The following LRP1B variants were observed in gnomAD, a reference collection of about 807,000 sequenced individuals.
LRP1B encodes the protein low-density lipoprotein receptor-related protein 1B.
Under a neutral mutation model 556.6 loss-of-function variants are expected in LRP1B, and 217 were observed. That is an observed-to-expected ratio of 0.39 (90% confidence interval 0.35 to 0.44). The LOEUF is 0.44. LRP1B is among the 20% of genes least tolerant of loss of function. The pLI, the probability that LRP1B is intolerant of heterozygous loss-of-function variation, is 1.00. For missense variants in LRP1B, 5,053 were observed against 5,620.8 expected (o/e 0.90, Z 3.23); for synonymous variants, 2,047 against 1,865.8 (o/e 1.10, Z -2.50).
At position 140,665,748 on chromosome 2, in the gene LRP1B, G is replaced by A. The variant is rs1685244185; in HGVS notation, c.6799+34502C>T. On this transcript the variant is annotated intron_variant, in intron 41 of 90. Transcript: ENST00000389484. ...AGCAAGAAAACTGTGTATGTCATGT[G>A]GCCAACAGGATCCTAAAACGCATGC... is the stretch of plus-strand genomic sequence containing the variant. Among the ~76,000 whole-genome samples the A allele has an allele frequency of 3.3e-5, 5 of 151,988 alleles. No homozygotes were observed. The South Asian group carries it at 8.3e-4, about 25-fold the overall frequency.
intron 3 of LRP1B, among the ~76,000 whole-genome samples, chr2:141,468,885 G>C (rs994021038): frequency 6.6e-6 from 1 of 152,028 alleles, no homozygotes; most frequent in Non-Finnish European, 1.5e-5. Flanking sequence ...GCCTTGGCTC[G>C]CAAGCACAAT....
intron 90 of LRP1B, 140 bp from the exon 91 acceptor site, chr2:140,233,466 G>T (rs1366559273): frequency 7.7e-6 from 4 of 518,720 alleles, no homozygotes; most frequent in South Asian, 4.5e-5. Context: ...ATGATTTAAA[G>T]GTTATTTACA....
At chr2:140,884,912 C>A (rs1333018500) in intron 24 of LRP1B, among the ~76,000 whole-genome samples, 1 of 152,054 alleles carries the variant, frequency 6.6e-6, no homozygotes, top group Non-Finnish European at 1.5e-5. Context: ...TGGGGTTTTG[C>A]CATGTTGTCC....
chr2:141,287,059 T>C (rs1406582705), intron 3 of LRP1B, among the ~76,000 whole-genome samples: 1 of 152,206 alleles, frequency 6.6e-6, no homozygotes, highest in Non-Finnish European at 1.5e-5. Flanking sequence ...CTTTTATTCC[T>C]GGGGCTAAAA....
At chr2:141,184,482 A>G (rs1681150778) in intron 7 of LRP1B, among the ~76,000 whole-genome samples, 2 of 151,934 alleles carry the variant, frequency 1.3e-5, no homozygotes, top group African/African-American at 4.8e-5. Flanking sequence ...AAACTTGGGG[A>G]CACAGAGAAG....
intron 2 of LRP1B, among the ~76,000 whole-genome samples, chr2:141,798,316 T>G (rs1695888708): frequency 6.6e-6 from 1 of 152,230 alleles, no homozygotes; most frequent in Admixed American, 6.5e-5. Context: ...TCTGTCAGCT[T>G]AAAGTTCACA....
chr2:141,678,150 T>G (rs551076693), intron 2 of LRP1B, among the ~76,000 whole-genome samples: 178 of 152,274 alleles, frequency 1.2e-3, no homozygotes, highest in Non-Finnish European at 2.2e-3. Flanking sequence ...TAATAGAAGA[T>G]TGGTGATACA....
chr2:140,706,272 A>G (rs1403091260), intron 37 of LRP1B, among the ~76,000 whole-genome samples: 1 of 152,152 alleles, frequency 6.6e-6, no homozygotes, highest in Non-Finnish European at 1.5e-5. Flanking sequence ...CAGTTGTGAA[A>G]AACGTGTTCA....
At chr2:141,339,026 ATG>A (rs997921481) in intron 3 of LRP1B, among the ~76,000 whole-genome samples, 14 of 151,936 alleles carry the variant, frequency 9.2e-5, no homozygotes, top group African/African-American at 3.4e-4. Flanking sequence ...CTCGGTGAGA[ATG>A]TGTTTCTCCT....
intron 1 of LRP1B, among the ~76,000 whole-genome samples, chr2:142,112,178 C>G (rs1310497570): frequency 6.6e-6 from 1 of 151,978 alleles, no homozygotes; most frequent in Non-Finnish European, 1.5e-5. Flanking sequence ...CAACCTTACT[C>G]TAGTCTAGGC....
chr2:141,849,114 C>A (rs1355123136), intron 1 of LRP1B, among the ~76,000 whole-genome samples: 19 of 151,528 alleles, frequency 1.3e-4, no homozygotes, highest in Non-Finnish European at 2.8e-4. Context: ...ATATAATGAT[C>A]AGACTATCCA....
chr2:141,713,158 G>A (rs1423460868), intron 2 of LRP1B, among the ~76,000 whole-genome samples: 1 of 151,266 alleles, frequency 6.6e-6, no homozygotes, highest in Non-Finnish European at 1.5e-5. Context: ...AAAGTGCTGG[G>A]ATTAGGGGTG....
chr2:142,126,250 A>T (rs1707647328), intron 1 of LRP1B, among the ~76,000 whole-genome samples: 1 of 150,670 alleles, frequency 6.6e-6, no homozygotes, highest in Non-Finnish European at 1.5e-5. Context: ...AATAACTTAA[A>T]ATTTTTTTCA....
chr2:141,947,556 G>C (rs1306394904), intron 1 of LRP1B, among the ~76,000 whole-genome samples: 1 of 152,062 alleles, frequency 6.6e-6, no homozygotes, highest in East Asian at 1.9e-4. Flanking sequence ...ATGGCTTATT[G>C]AAGAAAAAGA....
At position 140,602,748 on chromosome 2, in the gene LRP1B, ATTTC is replaced by A. The variant is rs1462063114; in HGVS notation, c.6800-1113_6800-1110del. Among the ~76,000 whole-genome samples, 4 of 124,008 alleles carry A rather than the reference ATTTC, an allele frequency of 3.2e-5. No homozygotes were observed. In the East Asian group the frequency reaches 7.6e-4, roughly 24 times the overall value. The allele number at this position is 124,008 out of a possible 152,430, so 81.4% of individuals were successfully genotyped here. A position where few individuals can be genotyped will look rare whatever the true frequency, so the allele number is the denominator to read the frequency against. On this transcript the variant is annotated intron_variant, in intron 41 of 90. Transcript: ENST00000389484. The stretch of plus-strand genomic sequence containing the variant: ...ACAATGTTTTTTTTCATATTTTTTT[ATTTC>A]TTTTTTTACATACAACATGAAATAT...
chr2:141,205,828 C>A (rs1682251026), intron 6 of LRP1B, among the ~76,000 whole-genome samples: 1 of 152,000 alleles, frequency 6.6e-6, no homozygotes, highest in Non-Finnish European at 1.5e-5. Context: ...TAATAAAAGA[C>A]AAACAAGAAA....
chr2:141,512,064 C>T (rs1033652740), intron 2 of LRP1B, among the ~76,000 whole-genome samples: 60 of 152,254 alleles, frequency 3.9e-4, no homozygotes, highest in Admixed American at 1.5e-3. Flanking sequence ...TGCACAATTT[C>T]CCCTCTTTAC....
chr2:140,331,686 C>CATATATATATATAT (rs10571873), intron 79 of LRP1B, among the ~76,000 whole-genome samples: 1 of 143,072 alleles, frequency 7.0e-6, no homozygotes, highest in African/African-American at 2.5e-5. Flanking sequence ...TATATATATA[C>CATATATATATATAT]ATATATATAT....
intron 20 of LRP1B, among the ~76,000 whole-genome samples, chr2:140,923,920 T>C (rs1694813593): frequency 1.3e-5 from 2 of 151,970 alleles, no homozygotes; most frequent in Non-Finnish European, 2.9e-5. Flanking sequence ...AGTTTAACAA[T>C]TGAATTACAT....
Sources: allele counts gnomAD v4.1 joint callset (sites outside exome capture counted in the v4.1 genomes callset), GRCh38; gene constraint gnomAD v4.1.1; transcripts MANE v1.5; gene names NCBI Gene and HGNC (gene_info 2026-07-23, HGNC 2026-07-21).